CCDC77: variants seen among roughly 807,000 people sequenced by gnomAD.
The protein encoded by CCDC77 is coiled-coil domain containing 77, also known as coiled-coil domain-containing protein 77.
CCDC77 carries 56 observed loss-of-function variants against 66.8 expected under a neutral mutation model. That is an observed-to-expected ratio of 0.84 (90% CI 0.68 to 1.05). The LOEUF is 1.05. Ranked by LOEUF, CCDC77 falls within the 50% of genes least tolerant of loss-of-function variation. The pLI, the probability that CCDC77 is intolerant of heterozygous loss-of-function variation, is 0.00. For missense variants in CCDC77, 570 were observed against 576.8 expected, an observed-to-expected ratio of 0.99 and a Z score of 0.12; for synonymous variants, 196 against 195.2, an observed-to-expected ratio of 1.00 and a Z score of -0.03.
At chr12:408,304 A>C (rs1400016514) in intron 2 of CCDC77, among the ~76,000 whole-genome samples, 1 of 152,200 alleles carries the variant, frequency 6.6e-6, no homozygotes, top group African/African-American at 2.4e-5. Context: ...GTTTATCTTC[A>C]TGAAAATTTC....
intron 4 of CCDC77, among the ~76,000 whole-genome samples, chr12:415,442 A>G (rs1945227419): frequency 7.0e-6 from 1 of 143,456 alleles, no homozygotes; most frequent in African/African-American, 2.5e-5. Flanking sequence ...ACATAATAAT[A>G]TGTTAATATT....
At chr12:396,875 CATCA>C (rs1441343662), upstream of CCDC77, among the ~76,000 whole-genome samples, 1 of 152,124 alleles carries the variant, frequency 6.6e-6, no homozygotes, top group Non-Finnish European at 1.5e-5. Flanking sequence ...TGTGGGGAGT[CATCA>C]AAGTTTATAA....
chr12:418,837 C>A, intron 5 of CCDC77: 1 of 552,740 alleles, frequency 1.8e-6, no homozygotes, highest in Non-Finnish European at 3.2e-6. Context: ...TAGCTGGGAA[C>A]ACAGGTGTGC....
At chr12:417,227 A>G (rs1402973326) in intron 4 of CCDC77, among the ~76,000 whole-genome samples, 1 of 151,982 alleles carries the variant, frequency 6.6e-6, no homozygotes, top group Non-Finnish European at 1.5e-5. Flanking sequence ...CACTTAGCAT[A>G]ATGTCCTCAA....
At chr12:423,470 G>GTGTTTTTT (rs1565572116) in intron 5 of CCDC77, among the ~76,000 whole-genome samples, 3 of 44,876 alleles carry the variant, frequency 6.7e-5, no homozygotes, top group East Asian at 1.1e-3. Flanking sequence ...TGTTTTTTGT[G>GTGTTTTTT]TTTTTTGTGT....
At chr12:425,014 T>G (rs1301295676) in intron 5 of CCDC77, among the ~76,000 whole-genome samples, 6 of 150,492 alleles carry the variant, frequency 4.0e-5, no homozygotes, top group African/African-American at 1.5e-4. Context: ...CACTGCAACC[T>G]CCACCTCCCA....
chr12:424,596 T>C (rs1035382925), intron 5 of CCDC77, among the ~76,000 whole-genome samples: 2 of 152,182 alleles, frequency 1.3e-5, no homozygotes, highest in Admixed American at 1.3e-4. Flanking sequence ...CCCAAAGTGC[T>C]AGGATTACAG....
chr12:415,898 C>T, intron 4 of CCDC77, among the ~76,000 whole-genome samples: 1 of 151,846 alleles, frequency 6.6e-6, no homozygotes, highest in African/African-American at 2.4e-5. Context: ...CTCCGCCTCC[C>T]AGGTTCAAGC....
chr12:408,830 T>C (rs1945047555), intron 2 of CCDC77, among the ~76,000 whole-genome samples: 1 of 152,238 alleles, frequency 6.6e-6, no homozygotes, highest in Non-Finnish European at 1.5e-5. Context: ...CCATTCTGAT[T>C]TTTATTTGAA....
At chr12:409,298 A>G in intron 2 of CCDC77, 70 bp from the exon 3 acceptor site, 1 of 1,011,330 alleles carries the variant, frequency 9.9e-7, no homozygotes, top group Non-Finnish European at 1.6e-6. Context: ...AGAGGGAACC[A>G]GTCTAATCCT....
chr12:415,504 CATAAT>C (rs901521156), intron 4 of CCDC77, among the ~76,000 whole-genome samples: 4 of 145,110 alleles, frequency 2.8e-5, no homozygotes, highest in African/African-American at 1.0e-4. Context: ...TAATTATTAA[CATAAT>C]ATGTTAATAT....
intron 7 of CCDC77, among the ~76,000 whole-genome samples, chr12:431,387 TTATTG>T (rs1945649907): frequency 6.6e-6 from 1 of 151,902 alleles, no homozygotes; most frequent in Non-Finnish European, 1.5e-5. Flanking sequence ...CCTGGCTAAT[TTATTG>T]TATTGTATTT....
Position 440,913 on chromosome 12 carries a change from CG to C in CCDC77, c.1238del (p.Arg413LeufsTer5). The C allele has an allele frequency of 6.2e-7, 1 of 1,613,700 alleles. No homozygotes were observed. The highest frequency in any genetic ancestry group is 8.5e-7 in the Non-Finnish European group (1 of 1,179,982). On this transcript the variant is annotated frameshift_variant, in exon 12 of 13. Transcript: ENST00000239830. LOFTEE classifies it high-confidence loss of function. The stretch of plus-strand genomic sequence containing the variant: ...ACGCTATGAGGCATTGGAGCGTCGA[CG>C]TATCCTGGAAGTAGAAGGCTTTAAG... Reference protein sequence around the residue: ...TKRYEALERRRILEVEGFKTD... With the variant: ...TKRYEALERRXILEVEGFKTD...
At chr12:425,257 C>A (rs1195445276) in intron 5 of CCDC77, among the ~76,000 whole-genome samples, 3 of 141,178 alleles carry the variant, frequency 2.1e-5, no homozygotes, top group Non-Finnish European at 4.4e-5. Context: ...TGGTGTCCCA[C>A]GGTCAAGTGC....
chr12:431,741 G>GAACC, intron 7 of CCDC77, 125 bp from the exon 8 acceptor site: 1 of 608,394 alleles, frequency 1.6e-6, no homozygotes, highest in Middle Eastern at 4.5e-4. Context: ...TCATTAGTGA[G>GAACC]AACCCCTTCA....
rs1211537738 is a variant in CCDC77, at chr12:438,546, T to C, written c.1033T>C (p.Tyr345His). ...TGAGAGTCACCATGCTCAAAGTGAA[T>C]ATATTAAGGTAATGTCCTTATGTCG... ...MHESHHAQSE[Y>H]IKSLKDKLVQ... Residue 345 changes from tyrosine (Y) to histidine (H), a missense_variant, in exon 10 of 13, where the codon TAT (tyrosine) becomes CAT (histidine). Physicochemically the swap from Tyr to His is moderately conservative, Grantham distance 83. Coordinates refer to ENST00000239830, the MANE Select transcript of CCDC77 (RefSeq NM_032358.4). 6.2e-7 allele frequency: 1 copy of C among 1,608,672 alleles called. No individual in the cohort carries two copies. Among genetic ancestry groups the C allele is most frequent in the Non-Finnish European group, 8.5e-7 (1 of 1,176,180 alleles).
chr12:404,753 G>A (rs1238243282), intron 1 of CCDC77, among the ~76,000 whole-genome samples: 1 of 142,792 alleles, frequency 7.0e-6, no homozygotes, highest in Non-Finnish European at 1.5e-5. Flanking sequence ...ACGGAGTTTC[G>A]CTCTTGTTGC....
At chr12:432,988 C>T (rs747178433) in intron 8 of CCDC77, among the ~76,000 whole-genome samples, 186 bp from the exon 9 acceptor site, 2 of 152,136 alleles carry the variant, frequency 1.3e-5, no homozygotes, top group Admixed American at 6.5e-5. Context: ...GCTATGATCA[C>T]GCCCACTGCA....
intron 1 of CCDC77, among the ~76,000 whole-genome samples, chr12:390,736 A>AAC (rs58938735): frequency 0.55 from 82,838 of 149,300 alleles, 23,998 homozygotes; most frequent in Non-Finnish European, 0.66. Context: ...TATCTTTATA[A>AAC]ACACACACAC....
Sources: gnomAD v4.1 joint callset for allele counts (sites outside exome capture counted in the v4.1 genomes callset) on GRCh38, gnomAD v4.1.1 for gene constraint, MANE v1.5 for transcripts, NCBI Gene and HGNC (gene_info 2026-07-23, HGNC 2026-07-21) for gene names.